SLC2A14: variants seen among roughly 807,000 people sequenced by gnomAD.
SLC2A14 encodes the protein solute carrier family 2 member 14.
In SLC2A14, 13 loss-of-function variants were observed where a neutral mutation model predicts 43.0. The observed-to-expected ratio is 0.30, with a 90% CI of 0.20 to 0.48. The LOEUF (loss-of-function observed/expected upper bound fraction) is 0.48, where lower values mean the gene tolerates loss of function less well. Among genes scored for constraint, SLC2A14 ranks in the 20% least tolerant of loss-of-function variants. The pLI, the probability that SLC2A14 is intolerant of heterozygous loss-of-function variation, is 0.99. For synonymous variants in SLC2A14, 190 were observed against 233.8 expected (o/e 0.81, Z 1.71); for missense variants, 428 against 620.4 (o/e 0.69, Z 3.29).
intron 2 of SLC2A14, among the ~76,000 whole-genome samples, chr12:7,840,281 A>G (rs1254674394): frequency 6.7e-6 from 1 of 149,360 alleles, no homozygotes; most frequent in African/African-American, 2.5e-5. Flanking sequence ...AGCTGCCCTC[A>G]CCAAACATCA....
At chr12:7,848,556 AT>A (rs35632480) in intron 2 of SLC2A14, among the ~76,000 whole-genome samples, 113,179 of 135,730 alleles carry the variant, frequency 0.83, 46,736 homozygotes, top group Middle Eastern at 0.95. Flanking sequence ...TTCCAATTCC[AT>A]TTTTTTTTTT....
chr12:7,890,760 C>T (rs1945762371), intron 1 of SLC2A14: 1 of 293,854 alleles, frequency 3.4e-6, no homozygotes, highest in Non-Finnish European at 6.4e-6. Context: ...TGGGGGAATT[C>T]AGCTCAGGCT....
intron 2 of SLC2A14, among the ~76,000 whole-genome samples, chr12:7,836,767 C>T (rs757754962): frequency 2.0e-5 from 3 of 151,984 alleles, no homozygotes; most frequent in Non-Finnish European, 2.9e-5. Flanking sequence ...ACCCGGGAGG[C>T]GGACATTACA....
At chr12:7,864,495 T>C (rs369445804) in intron 2 of SLC2A14, among the ~76,000 whole-genome samples, 6 of 152,052 alleles carry the variant, frequency 3.9e-5, no homozygotes, top group Non-Finnish European at 7.4e-5. Flanking sequence ...CGCACCACCA[T>C]GCCTGGCTAA....
intron 1 of SLC2A14, among the ~76,000 whole-genome samples, chr12:7,878,751 G>A (rs985202176): frequency 1.3e-5 from 2 of 151,480 alleles, no homozygotes; most frequent in Non-Finnish European, 2.9e-5. Flanking sequence ...GGCCAAGGTG[G>A]GCGGATCACG....
chr12:7,833,029 G>C (rs1865162946), intron 2 of SLC2A14, among the ~76,000 whole-genome samples: 2 of 152,130 alleles, frequency 1.3e-5, no homozygotes, highest in South Asian at 4.2e-4. Flanking sequence ...AAGTTAACTT[G>C]GTAAAAGTGG....
At chr12:7,855,859 T>G (rs192272594) in intron 2 of SLC2A14, among the ~76,000 whole-genome samples, 1 of 151,710 alleles carries the variant, frequency 6.6e-6, no homozygotes, top group Non-Finnish European at 1.5e-5. Context: ...ATGGTCTTGA[T>G]CTCCTGACCT....
chr12:7,858,320 T>C (rs1288225308), intron 2 of SLC2A14, among the ~76,000 whole-genome samples: 1 of 152,098 alleles, frequency 6.6e-6, no homozygotes, highest in Non-Finnish European at 1.5e-5. Flanking sequence ...TGACAAAACC[T>C]ATCATTCTCT....
At chr12:7,855,881 C>A (rs1017662122) in intron 2 of SLC2A14, among the ~76,000 whole-genome samples, 1 of 151,314 alleles carries the variant, frequency 6.6e-6, no homozygotes, top group African/African-American at 2.4e-5. Flanking sequence ...GTGATCTGCC[C>A]GCCTCAGCCT....
At chr12:7,867,799 C>A (rs899397577) in intron 2 of SLC2A14, among the ~76,000 whole-genome samples, 1 of 147,464 alleles carries the variant, frequency 6.8e-6, no homozygotes, top group Non-Finnish European at 1.5e-5. Flanking sequence ...GAGCCGAGAT[C>A]GTTCCACTGC....
chr12:7,873,309 G>T, upstream of SLC2A14: 1 of 985,344 alleles, frequency 1.0e-6, no homozygotes, highest in Non-Finnish European at 1.2e-6. Context: ...CCGCGGGCGG[G>T]CCGGCTGGGC....
At chr12:7,879,247 T>C (rs1007042652) in intron 1 of SLC2A14, among the ~76,000 whole-genome samples, 3 of 150,840 alleles carry the variant, frequency 2.0e-5, no homozygotes, top group Non-Finnish European at 2.9e-5. Flanking sequence ...TTTTAACGTC[T>C]GCCTCAGCTT....
chr12:7,829,958 G>A lies in SLC2A14; in HGVS notation c.321C>T (p.Cys107=). 1.2e-6 allele frequency: 2 copies of A among 1,614,136 alleles called. No individual in the cohort carries two copies. The highest frequency in any genetic ancestry group is 2.2e-5 in the East Asian group (1 of 44,886). Residue 107 remains cysteine, a synonymous_variant, in exon 5 of 11, where the codon TGC becomes TGT. Coordinates refer to ENST00000431042, the MANE Select transcript of SLC2A14 (RefSeq NM_001286234.2). ...IVNLLAATGG[C]LMGLCKIAES... ...CAGCTATTTTACACAGTCCCATAAG[G>A]CAGCCACCAGTGGCAGCCAACAGGT... is the stretch of plus-strand genomic sequence containing the variant.
chr12:7,828,707 G>A lies in SLC2A14; in HGVS notation c.673C>T (p.Arg225Trp), dbSNP rs202198409. Residue 225 changes from arginine to tryptophan, a missense_variant, in exon 6 of 11, where the codon CGG becomes TGG. Arg to Trp is a moderately radical substitution (Grantham distance 101). Transcript: ENST00000431042. ...INRKKEENAT[R>W]ILQRLWGTQD... The stretch of plus-strand genomic sequence containing the variant: ...CTAAAGAGTGAAAGATACTCACTCC[G>A]CGTAGCATTCTCCTCTTTTTTTCTG... The A allele has an allele frequency of 1.1e-5, 17 of 1,613,822 alleles. No homozygotes were observed. The highest frequency in any genetic ancestry group is 2.2e-5 in the East Asian group (1 of 44,892).
chr12:7,873,341 C>A, upstream of SLC2A14: 1 of 985,378 alleles, frequency 1.0e-6, no homozygotes, highest in Non-Finnish European at 1.2e-6. Flanking sequence ...AGGGCGAGAT[C>A]CTGTAAAGAG....
At chr12:7,826,861 T>TCTTTCTTTTCTTTCTTTCTTTC (rs1555121667) in intron 7 of SLC2A14, among the ~76,000 whole-genome samples, 1 of 60,268 alleles carries the variant, frequency 1.7e-5, no homozygotes, top group Non-Finnish European at 3.2e-5. Flanking sequence ...TTCCTTTCTT[T>TCTTTCTTTTCTTTCTTTCTTTC]TTTCTTTCTT....
intron 1 of SLC2A14, among the ~76,000 whole-genome samples, chr12:7,888,181 T>A (rs2121127471): frequency 6.6e-6 from 1 of 152,244 alleles, no homozygotes; most frequent in Middle Eastern, 3.4e-3. Flanking sequence ...TGATTCTTCA[T>A]TATAGCACTT....
chr12:7,871,328 G>C, intron 1 of SLC2A14: 1 of 953,594 alleles, frequency 1.0e-6, no homozygotes, highest in Admixed American at 4.2e-5. Flanking sequence ...CAACTAGGTG[G>C]AGTTCACCTG....
chr12:7,835,204 T>C (rs1485805045), intron 2 of SLC2A14, among the ~76,000 whole-genome samples: 1 of 151,738 alleles, frequency 6.6e-6, no homozygotes, highest in Non-Finnish European at 1.5e-5. Context: ...CTGACCAGTA[T>C]GGTGAAAGCC....
Sources: gnomAD v4.1 joint callset for allele counts (sites outside exome capture counted in the v4.1 genomes callset) on GRCh38, gnomAD v4.1.1 for gene constraint, MANE v1.5 for transcripts, NCBI Gene and HGNC (gene_info 2026-07-23, HGNC 2026-07-21) for gene names.